TBL1XR1: variants seen among roughly 807,000 people sequenced by gnomAD.
The protein encoded by TBL1XR1 is TBL1X/Y related 1.
Under a neutral mutation model 66.9 loss-of-function variants are expected in TBL1XR1, and 5 were observed. That is an observed-to-expected ratio of 0.07 (90% CI 0.04 to 0.16). TBL1XR1 has a LOEUF of 0.16. Ranked by LOEUF, TBL1XR1 falls within the 10% of genes least tolerant of loss-of-function variation. TBL1XR1 has a pLI of 1.00. For missense variants in TBL1XR1, 238 were observed against 623.2 expected (o/e 0.38, Z 6.58); for synonymous variants, 210 against 206.0 (o/e 1.02, Z -0.17).
At chr3:177,049,749 A>G (rs1185106330) in intron 7 of TBL1XR1, among the ~76,000 whole-genome samples, 1 of 152,212 alleles carries the variant, frequency 6.6e-6, no homozygotes, top group Non-Finnish European at 1.5e-5. Context: ...CAGAGTAAAA[A>G]GTAACAATTT....
intron 1 of TBL1XR1, among the ~76,000 whole-genome samples, chr3:177,162,372 G>A (rs1488552442): frequency 2.6e-5 from 4 of 152,218 alleles, no homozygotes; most frequent in Non-Finnish European, 5.9e-5. Context: ...AAGGGAGCCT[G>A]CCTGCCGGAA....
intron 10 of TBL1XR1, 100 bp downstream of exon 10, chr3:177,046,029 C>T (rs1366172388): frequency 3.2e-6 from 3 of 925,412 alleles, no homozygotes; most frequent in South Asian, 1.6e-5. Flanking sequence ...AAGACTGATA[C>T]TTGATATTTC....
chr3:177,169,984 G>C (rs929891060), intron 1 of TBL1XR1, among the ~76,000 whole-genome samples: 7 of 152,122 alleles, frequency 4.6e-5, no homozygotes, highest in Non-Finnish European at 7.4e-5. Context: ...CAGAAATTGG[G>C]GGGCAGGGTT....
rs185205948 is a variant in TBL1XR1, at chr3:177,192,086, C to A, written c.-122+5035G>T. 3.2e-4 allele frequency among the ~76,000 whole-genome samples: 39 copies of A among 120,654 alleles called. 1 individual carries two copies. In the East Asian group the frequency reaches 8.9e-3, roughly 28 times the overall value. 79.2% of individuals were successfully genotyped at this position (120,654 alleles called of 152,430 possible). A position where few individuals can be genotyped will look rare whatever the true frequency, so the allele number is the denominator to read the frequency against. On this transcript the variant is annotated intron_variant, in intron 1 of 15. Coordinates refer to ENST00000457928, the MANE Select transcript of TBL1XR1 (RefSeq NM_024665.7). ...CCAGCATGGGTGACAGAGCAAGACT[C>A]TGTCTCAAAAAAAAAAAAAAAAGAG...
At chr3:177,141,244 A>C (rs1406371125) in intron 1 of TBL1XR1, among the ~76,000 whole-genome samples, 1 of 152,198 alleles carries the variant, frequency 6.6e-6, no homozygotes, top group African/African-American at 2.4e-5. Context: ...TTTTCTTCGT[A>C]TCATTCTATC....
intron 2 of TBL1XR1, among the ~76,000 whole-genome samples, chr3:177,096,284 T>C (rs1307256454): frequency 6.6e-6 from 1 of 151,638 alleles, no homozygotes; most frequent in African/African-American, 2.4e-5. Context: ...GTAAGCAAGT[T>C]TGCTGTAATC....
chr3:177,086,115 C>T (rs1262864207), intron 2 of TBL1XR1, among the ~76,000 whole-genome samples: 2 of 150,134 alleles, frequency 1.3e-5, no homozygotes, highest in African/African-American at 4.9e-5. Flanking sequence ...TAGCACTAGC[C>T]AAGTCCACAC....
intron 2 of TBL1XR1, among the ~76,000 whole-genome samples, chr3:177,066,249 G>C (rs1719148839): frequency 6.6e-6 from 1 of 152,114 alleles, no homozygotes; most frequent in Non-Finnish European, 1.5e-5. Flanking sequence ...TGGTGACTAA[G>C]TACCACCCAT....
At chr3:177,076,528 A>C (rs1051810166) in intron 2 of TBL1XR1, among the ~76,000 whole-genome samples, 1 of 152,208 alleles carries the variant, frequency 6.6e-6, no homozygotes, top group Non-Finnish European at 1.5e-5. Context: ...ACTCCAACTT[A>C]CGAATTTAGG....
intron 1 of TBL1XR1, among the ~76,000 whole-genome samples, chr3:177,166,525 C>T (rs1392449731): frequency 6.6e-6 from 1 of 152,128 alleles, no homozygotes. Flanking sequence ...CCATGCTGTT[C>T]TGATAATAGT....
chr3:177,046,040 A>C (rs1716284299), intron 10 of TBL1XR1, 89 bp downstream of exon 10: 3 of 1,045,908 alleles, frequency 2.9e-6, no homozygotes, highest in Non-Finnish European at 4.2e-6. Context: ...TTGATATTTC[A>C]ACATTTAAAA....
intron 3 of TBL1XR1, 137 bp from the exon 4 acceptor site, chr3:177,054,055 TGTGTGTGTGTGTGTGTGTGCGCGCGC>T: frequency 3.2e-6 from 2 of 615,568 alleles, no homozygotes; most frequent in East Asian, 3.0e-5. Context: ...CGTGTGTGTG[TGTGTGTGTGTGTGTGTGTGCGCGCGC>T]GTGTGTGTGC....
intron 1 of TBL1XR1, among the ~76,000 whole-genome samples, chr3:177,125,511 T>C (rs58969798): frequency 0.07 from 10,726 of 152,240 alleles, 423 homozygotes; most frequent in Middle Eastern, 0.095. Flanking sequence ...AGCATTTAAT[T>C]AGAAATAATG....
intron 1 of TBL1XR1, among the ~76,000 whole-genome samples, chr3:177,169,119 T>C (rs1162922226): frequency 6.6e-6 from 1 of 152,244 alleles, no homozygotes; most frequent in Admixed American, 6.5e-5. Flanking sequence ...AATTACATTT[T>C]ATCATTTTCT....
chr3:177,095,782 C>T (rs1435071912), intron 2 of TBL1XR1, among the ~76,000 whole-genome samples: 2 of 151,874 alleles, frequency 1.3e-5, no homozygotes, highest in South Asian at 2.1e-4. Context: ...TGCACCCTGC[C>T]GTAAAGTGCA....
At chr3:177,082,738 T>TTATATATATATACATATA (rs1553832291) in intron 2 of TBL1XR1, among the ~76,000 whole-genome samples, 1 of 63,234 alleles carries the variant, frequency 1.6e-5, no homozygotes, top group African/African-American at 6.4e-5. Context: ...AAGATAGAGA[T>TTATATATATATACATATA]TATATATATA....
intron 1 of TBL1XR1, among the ~76,000 whole-genome samples, chr3:177,172,307 A>G (rs1733625998): frequency 6.6e-6 from 1 of 151,980 alleles, no homozygotes; most frequent in Non-Finnish European, 1.5e-5. Flanking sequence ...CCAAAGAACA[A>G]AAATATCCAC....
At chr3:177,102,342 C>T (rs1724328092) in intron 1 of TBL1XR1, among the ~76,000 whole-genome samples, 1 of 152,136 alleles carries the variant, frequency 6.6e-6, no homozygotes, top group African/African-American at 2.4e-5. Context: ...CCAACTGCAC[C>T]TGCAAATTAA....
chr3:177,149,309 C>T (rs544908709), intron 1 of TBL1XR1, among the ~76,000 whole-genome samples: 2 of 152,192 alleles, frequency 1.3e-5, no homozygotes, highest in African/African-American at 4.8e-5. Flanking sequence ...GGCAATGTTC[C>T]CAGAAGCTTG....
Sources: gnomAD v4.1 joint callset for allele counts (sites outside exome capture counted in the v4.1 genomes callset) on GRCh38, gnomAD v4.1.1 for gene constraint, MANE v1.5 for transcripts, NCBI Gene and HGNC (gene_info 2026-07-23, HGNC 2026-07-21) for gene names.